The following ADK variants were observed in gnomAD, a reference collection of about 807,000 sequenced individuals.
The protein encoded by ADK is adenosine kinase.
In ADK, 24 loss-of-function variants were observed where a neutral mutation model predicts 44.7. The ratio of observed to expected loss-of-function variants is 0.54; its 90% CI spans 0.39 to 0.76. The LOEUF (loss-of-function observed/expected upper bound fraction) is 0.76. Ranked by LOEUF, ADK falls within the 30% of genes least tolerant of loss-of-function variation. The pLI is 0.00. For missense variants in ADK, 321 were observed against 425.1 expected (o/e 0.76, Z 2.15); for synonymous variants, 128 against 142.6 (o/e 0.90, Z 0.73).
intron 1 of ADK, among the ~76,000 whole-genome samples, chr10:74,151,949 G>A (rs748691090): frequency 6.6e-6 from 1 of 152,226 alleles, no homozygotes; most frequent in African/African-American, 2.4e-5. Flanking sequence ...CAGCAACGGG[G>A]ACAGTGCTGC....
chr10:74,335,435 A>G (rs975386210), intron 4 of ADK, among the ~76,000 whole-genome samples: 1 of 152,112 alleles, frequency 6.6e-6, no homozygotes, highest in Non-Finnish European at 1.5e-5. Flanking sequence ...TGCTTTGTCA[A>G]TAGTTTTTAA....
intron 4 of ADK, among the ~76,000 whole-genome samples, chr10:74,391,694 C>T (rs1344417247): frequency 6.6e-6 from 1 of 150,924 alleles, no homozygotes; most frequent in East Asian, 1.9e-4. Flanking sequence ...CACACACACA[C>T]ACATTCTCTT....
chr10:74,649,731 A>AT, intron 9 of ADK, among the ~76,000 whole-genome samples: 1 of 152,104 alleles, frequency 6.6e-6, no homozygotes, highest in East Asian at 1.9e-4. Context: ...TTCCCACTAA[A>AT]TTTTTTAATG....
intron 7 of ADK, among the ~76,000 whole-genome samples, chr10:74,532,870 A>G (rs1849336986): frequency 6.9e-6 from 1 of 144,992 alleles, no homozygotes; most frequent in Non-Finnish European, 1.5e-5. Flanking sequence ...CGATGAGCCG[A>G]GATCATGCCA....
intron 3 of ADK, among the ~76,000 whole-genome samples, chr10:74,296,176 A>G (rs1839806591): frequency 6.6e-6 from 1 of 152,042 alleles, no homozygotes. Context: ...AGGACCATAT[A>G]AAAAATTTTT....
intron 6 of ADK, among the ~76,000 whole-genome samples, chr10:74,520,706 A>G (rs531367186): frequency 1.3e-5 from 2 of 152,124 alleles, no homozygotes; most frequent in South Asian, 4.1e-4. Flanking sequence ...GTGGTTGTGT[A>G]ATGTGTTTAA....
intron 6 of ADK, among the ~76,000 whole-genome samples, chr10:74,512,244 C>G (rs1274067974): frequency 6.6e-6 from 1 of 151,846 alleles, no homozygotes; most frequent in African/African-American, 2.4e-5. Context: ...GGGATATTGG[C>G]CTATCATTTT....
At chr10:74,641,451 GT>G (rs1298617804) in intron 9 of ADK, 1 of 152,198 alleles carries the variant, frequency 6.6e-6, no homozygotes, top group African/African-American at 2.4e-5. Context: ...TCTATCTTGG[GT>G]TGGGTTTCTA....
rs972894432 is a variant in ADK, at chr10:74,456,465, G to C, written c.555+57886G>C. Among the ~76,000 whole-genome samples, 3 of 151,986 alleles carry C rather than the reference G, an allele frequency of 2.0e-5. No individual in the cohort carries two copies. In the South Asian group the frequency reaches 6.2e-4, roughly 31 times the overall value. Reference sequence around the variant, plus strand: ...CGAGGCGGGCGGATCACAAGGTCAGGAGATCGAGACCATCCTGGCTAACAT... The same window carrying C: ...CGAGGCGGGCGGATCACAAGGTCAGCAGATCGAGACCATCCTGGCTAACAT... On this transcript the variant is annotated intron_variant, in intron 6 of 10. Transcript: ENST00000539909.
chr10:74,355,904 C>T (rs1261058144), intron 4 of ADK, among the ~76,000 whole-genome samples: 4 of 150,926 alleles, frequency 2.7e-5, no homozygotes, highest in Non-Finnish European at 5.9e-5. Flanking sequence ...ATTTGCCAAT[C>T]AATCCACGGT....
intron 3 of ADK, among the ~76,000 whole-genome samples, chr10:74,282,584 A>G (rs1408141553): frequency 6.6e-6 from 1 of 152,198 alleles, no homozygotes. Flanking sequence ...TTAATAAGAA[A>G]TTGTTTTGTT....
At chr10:74,352,127 A>G (rs1554846580) in intron 4 of ADK, among the ~76,000 whole-genome samples, 1 of 152,164 alleles carries the variant, frequency 6.6e-6, no homozygotes, top group Admixed American at 6.5e-5. Flanking sequence ...AGACAATCCT[A>G]AGCAAAAATA....
chr10:74,702,693 A>G (rs12267534), intron 10 of ADK, among the ~76,000 whole-genome samples: 15,477 of 150,368 alleles, frequency 0.1, 1,303 homozygotes, highest in African/African-American at 0.22. Context: ...CTGCCTCCTG[A>G]GTTCAAGCAG....
At chr10:74,154,023 C>T (rs899672003) in intron 1 of ADK, among the ~76,000 whole-genome samples, 1 of 152,054 alleles carries the variant, frequency 6.6e-6, no homozygotes, top group African/African-American at 2.4e-5. Flanking sequence ...AAAATGACAC[C>T]TGAGTATTCT....
chr10:74,232,774 C>T (rs901045628), intron 3 of ADK, among the ~76,000 whole-genome samples: 3 of 152,184 alleles, frequency 2.0e-5, no homozygotes, highest in Non-Finnish European at 4.4e-5. Context: ...TATAGGCGCA[C>T]GCCGCCACAC....
intron 1 of ADK, among the ~76,000 whole-genome samples, chr10:74,168,588 T>C (rs1842090749): frequency 6.7e-6 from 1 of 148,896 alleles, no homozygotes; most frequent in South Asian, 2.1e-4. Flanking sequence ...GTATCATAGA[T>C]CAGATCTACG....
intron 7 of ADK, among the ~76,000 whole-genome samples, chr10:74,570,835 G>C (rs988311298): frequency 6.6e-6 from 1 of 152,146 alleles, no homozygotes; most frequent in Admixed American, 6.5e-5. Context: ...TTGAATAGGA[G>C]TGGTGAGAGA....
At chr10:74,427,391 G>A (rs1844834366) in intron 6 of ADK, among the ~76,000 whole-genome samples, 1 of 152,004 alleles carries the variant, frequency 6.6e-6, no homozygotes, top group Non-Finnish European at 1.5e-5. Context: ...GTAGAGACGG[G>A]GTTTCACCGT....
At chr10:74,181,063 C>G (rs1181194185) in intron 1 of ADK, among the ~76,000 whole-genome samples, 1 of 152,114 alleles carries the variant, frequency 6.6e-6, no homozygotes, top group Non-Finnish European at 1.5e-5. Context: ...AGACAGGAAA[C>G]AAATTTACCT....
Sources: gnomAD v4.1 joint callset for allele counts (sites outside exome capture counted in the v4.1 genomes callset) on GRCh38, gnomAD v4.1.1 for gene constraint, MANE v1.5 for transcripts, NCBI Gene and HGNC (gene_info 2026-07-23, HGNC 2026-07-21) for gene names.